COLGALT2: variants seen among roughly 807,000 people sequenced by gnomAD.
COLGALT2 encodes the protein procollagen galactosyltransferase 2.
A neutral mutation model predicts 73.4 loss-of-function variants in COLGALT2; 49 were observed. The ratio of observed to expected loss-of-function variants is 0.67; its 90% CI spans 0.53 to 0.85. COLGALT2 has a LOEUF of 0.85. Ranked by LOEUF, COLGALT2 falls within the 40% of genes least tolerant of loss-of-function variation. The probability of loss-of-function intolerance (pLI) is 0.00; values close to 1 mark genes in which losing one functional copy is unlikely to be tolerated. For missense variants in COLGALT2, 722 were observed against 790.2 expected, an observed-to-expected ratio of 0.91 and a Z score of 1.03; for synonymous variants, 295 against 307.6, an observed-to-expected ratio of 0.96 and a Z score of 0.43.
At chr1:183,974,259 A>G (rs529949614) in intron 3 of COLGALT2, among the ~76,000 whole-genome samples, 6 of 152,334 alleles carry the variant, frequency 3.9e-5, no homozygotes, top group South Asian at 2.1e-4. Context: ...GCTATTTCCT[A>G]TTCTTAGAAG....
chr1:183,973,955 C>T (rs1252539611), intron 3 of COLGALT2, among the ~76,000 whole-genome samples: 1 of 152,098 alleles, frequency 6.6e-6, no homozygotes. Flanking sequence ...ATGTTGGGCT[C>T]TGCATAAGGC....
chr1:184,025,995 G>A (rs1649320040), intron 1 of COLGALT2, among the ~76,000 whole-genome samples: 3 of 152,154 alleles, frequency 2.0e-5, no homozygotes, highest in Admixed American at 6.5e-5. Context: ...TTCAAAATAC[G>A]TCAATTGCCC....
rs111995299 is a variant in COLGALT2, at chr1:183,956,640, A to G, written c.953-1802T>C. Among the ~76,000 whole-genome samples, 268 of 152,262 alleles carry G rather than the reference A, an allele frequency of 1.8e-3. 1 individual carries two copies. Among genetic ancestry groups the G allele is most frequent in the African/African-American group, 5.4e-3 (224 of 41,558 alleles). ...GGCTGCTGGTCTCCTTTGGACTCAC[A>G]TGGCCTGTGTGGCTTTAACATTTCA... On this transcript the variant is annotated intron_variant, in intron 6 of 11. Transcript: ENST00000361927.
At chr1:183,981,569 A>G (rs1484123751) in intron 1 of COLGALT2, among the ~76,000 whole-genome samples, 1 of 152,036 alleles carries the variant, frequency 6.6e-6, no homozygotes, top group African/African-American at 2.4e-5. Context: ...AGGCAGGAGA[A>G]TCGCTTGAAC....
chr1:184,003,972 C>T (rs1671998762), intron 1 of COLGALT2, among the ~76,000 whole-genome samples: 1 of 152,160 alleles, frequency 6.6e-6, no homozygotes, highest in African/African-American at 2.4e-5. Context: ...CATACTCCCA[C>T]AACTATAGTA....
chr1:183,959,473 T>C (rs953541151), intron 6 of COLGALT2, among the ~76,000 whole-genome samples: 7 of 152,288 alleles, frequency 4.6e-5, no homozygotes, highest in African/African-American at 1.7e-4. Context: ...CAGGCTAAAA[T>C]CTTGGACTCA....
intron 1 of COLGALT2, among the ~76,000 whole-genome samples, chr1:183,986,545 C>G (rs142510931): frequency 6.6e-6 from 1 of 152,230 alleles, no homozygotes; most frequent in Non-Finnish European, 1.5e-5. Flanking sequence ...CTAAATTTTT[C>G]CTGATGGTAA....
At chr1:183,974,955 A>C (rs2077202) in intron 3 of COLGALT2, 142 bp downstream of exon 3, 407,837 of 603,030 alleles carry the variant, frequency 0.68, 144,807 homozygotes, top group Non-Finnish European at 0.76. Flanking sequence ...CAAAAATTTC[A>C]TTGTGCCTTT....
In COLGALT2 at chr1:183,945,508, C is replaced by G; in HGVS notation, c.1193G>C (p.Arg398Pro). The G allele has an allele frequency of 3.1e-6, 5 of 1,614,170 alleles. No homozygotes were observed. Among genetic ancestry groups the G allele is most frequent in the Non-Finnish European group, 4.2e-6 (5 of 1,180,028 alleles). The change falls in exon 9 of 12, where the codon CGA becomes CCA. Residue 398 changes from arginine (R) to proline (P), a missense_variant. Coordinates refer to ENST00000361927, the MANE Select transcript of COLGALT2 (RefSeq NM_015101.4). ...TAGAGGCCTGGAGGAATAGGGATCTCGATAGCCAGGCAGCATTTCAATATT... is the reference window on the plus strand; with the variant it reads ...TAGAGGCCTGGAGGAATAGGGATCTGGATAGCCAGGCAGCATTTCAATATT... ...ALNIEMLPGY[R>P]DPYSSRPLTR...
intron 1 of COLGALT2, among the ~76,000 whole-genome samples, chr1:183,983,913 G>C (rs962092313): frequency 1.3e-5 from 2 of 152,216 alleles, no homozygotes; most frequent in Non-Finnish European, 2.9e-5. Flanking sequence ...CTGGAGAGGT[G>C]ATCTGCAAGT....
chr1:184,007,107 T>C (rs1672107063), intron 1 of COLGALT2, among the ~76,000 whole-genome samples: 1 of 152,176 alleles, frequency 6.6e-6, no homozygotes, highest in Non-Finnish European at 1.5e-5. Context: ...ATGTGCAGTA[T>C]GGGTGTCAGT....
chr1:184,018,109 A>C (rs982994064), intron 1 of COLGALT2, among the ~76,000 whole-genome samples: 1 of 152,316 alleles, frequency 6.6e-6, no homozygotes, highest in Non-Finnish European at 1.5e-5. Flanking sequence ...ATGTTAGTTA[A>C]AGCTAATTTC....
At chr1:183,930,833 G>A (rs1369571537) in intron 11 of COLGALT2, among the ~76,000 whole-genome samples, 4 of 151,984 alleles carry the variant, frequency 2.6e-5, no homozygotes, top group African/African-American at 9.7e-5. Flanking sequence ...GTAGTTGTAA[G>A]TCAGGTTAAA....
chr1:183,949,682 T>G (rs1480963506), intron 8 of COLGALT2, among the ~76,000 whole-genome samples: 2 of 152,236 alleles, frequency 1.3e-5, no homozygotes, highest in African/African-American at 2.4e-5. Flanking sequence ...CAATGGATTC[T>G]TAGGTATGAC....
chr1:183,936,974 C>G lies in COLGALT2; in HGVS notation c.*1787G>C. 8.1e-7 allele frequency: 1 copy of G among 1,231,768 alleles called. No individual in the cohort carries two copies. The highest frequency in any genetic ancestry group is 1.0e-6 in the Non-Finnish European group (1 of 987,980). The allele number at this position is 1,231,768 out of a possible 1,614,324, so 76.3% of individuals were successfully genotyped here. ...GGGGAGATGAGGCTGCCTTGACTAC[C>G]TATTTGGTGATGAGACAGCTTGGTG... is the stretch of plus-strand genomic sequence containing the variant. On this transcript the variant is annotated 3_prime_UTR_variant, in exon 12 of 12. Coordinates refer to ENST00000361927, the MANE Select transcript of COLGALT2 (RefSeq NM_015101.4).
chr1:184,020,280 G>C (rs141657265), intron 1 of COLGALT2, among the ~76,000 whole-genome samples: 3 of 152,130 alleles, frequency 2.0e-5, no homozygotes, highest in Non-Finnish European at 4.4e-5. Flanking sequence ...AGAGTTAACA[G>C]AGCAAATAAT....
At chr1:183,988,666 TACTTC>T (rs1671552243) in intron 1 of COLGALT2, among the ~76,000 whole-genome samples, 1 of 152,336 alleles carries the variant, frequency 6.6e-6, no homozygotes, top group East Asian at 1.9e-4. Flanking sequence ...CACGTACCAG[TACTTC>T]ACTTCTTTTT....
intron 6 of COLGALT2, among the ~76,000 whole-genome samples, chr1:183,960,766 AT>A (rs61133500): frequency 8.0e-4 from 119 of 149,628 alleles, no homozygotes; most frequent in African/African-American, 1.2e-3. Context: ...TCTTTTTGTG[AT>A]TTTTTTTTTA....
intron 1 of COLGALT2, among the ~76,000 whole-genome samples, chr1:184,006,486 A>G (rs1010924367): frequency 6.6e-6 from 1 of 152,090 alleles, no homozygotes; most frequent in African/African-American, 2.4e-5. Flanking sequence ...TGGGAGTCTG[A>G]GGCAGGAGAA....
Sources: gnomAD v4.1 joint callset for allele counts (sites outside exome capture counted in the v4.1 genomes callset) on GRCh38, gnomAD v4.1.1 for gene constraint, MANE v1.5 for transcripts, NCBI Gene and HGNC (gene_info 2026-07-23, HGNC 2026-07-21) for gene names.